KIDINS220: variants seen among roughly 807,000 people sequenced by gnomAD.
KIDINS220 encodes kinase D-interacting substrate of 220 kDa.
Under a neutral mutation model 157.6 loss-of-function variants are expected in KIDINS220, and 63 were observed. The ratio of observed to expected loss-of-function variants is 0.40; its 90% CI spans 0.33 to 0.49. The LOEUF (loss-of-function observed/expected upper bound fraction) is 0.49. KIDINS220 is among the 20% of genes least tolerant of loss of function. The pLI, the probability that KIDINS220 is intolerant of heterozygous loss-of-function variation, is 0.66. For missense variants in KIDINS220, 1,772 were observed against 2,171.2 expected (o/e 0.82, Z 3.65); for synonymous variants, 732 against 783.6 (o/e 0.93, Z 1.10).
At chr2:8,807,135 G>A (rs1675561392) in intron 6 of KIDINS220, among the ~76,000 whole-genome samples, 1 of 152,166 alleles carries the variant, frequency 6.6e-6, no homozygotes, top group African/African-American at 2.4e-5. Context: ...TGAGGACACT[G>A]AGGCCCTAAG....
Position 8,802,975 on chromosome 2 carries a change from C to T in KIDINS220, c.756G>A (p.Val252=). The change falls in exon 8 of 30, where the codon GTG becomes GTA. Residue 252 remains valine, a synonymous_variant. Transcript: ENST00000256707. ...ATGTTCCAGCGTCGAGCAGATCCTG[C>T]ACAATCTCCGTATGTCCCTCCTTTG... ...IASKEGHTEI[V]QDLLDAGTYV... 1 of 1,613,984 alleles carries T rather than the reference C, an allele frequency of 6.2e-7. No individual in the cohort carries two copies. The highest frequency in any genetic ancestry group is 8.5e-7 in the Non-Finnish European group (1 of 1,179,990).
At chr2:8,721,847 A>T (rs1255801163), downstream of KIDINS220, 1 of 152,228 alleles carries the variant, frequency 6.6e-6, no homozygotes, top group Non-Finnish European at 1.5e-5. Flanking sequence ...AATAGTAACT[A>T]TTTTATGCAG....
At chr2:8,777,661 C>T (rs960313572) in intron 20 of KIDINS220, among the ~76,000 whole-genome samples, 1 of 152,132 alleles carries the variant, frequency 6.6e-6, no homozygotes, top group African/African-American at 2.4e-5. Flanking sequence ...ACTATCCTCA[C>T]ATCGCCACAT....
rs527727658 is a variant in KIDINS220, at chr2:8,730,976, T to C, written c.5060A>G (p.Asn1687Ser). The C allele has an allele frequency of 6.2e-7, 1 of 1,614,240 alleles. No individual in the cohort carries two copies. Among genetic ancestry groups the C allele is most frequent in the East Asian group, 2.2e-5 (1 of 44,884 alleles). ...NRTPSTVTLN[N>S]NSAPANRANQ... Reference sequence around the variant, plus strand: ...GGCTCTGTTGGCTGGAGCACTATTGTTGTTCAGAGTCACGGTGCTGGGAGT... The same window carrying C: ...GGCTCTGTTGGCTGGAGCACTATTGCTGTTCAGAGTCACGGTGCTGGGAGT... Residue 1687 changes from asparagine to serine, a missense_variant, in exon 30 of 30, where the codon AAC (asparagine) becomes AGC (serine). Physicochemically the swap from Asn to Ser is conservative, Grantham distance 46. Coordinates refer to ENST00000256707, the MANE Select transcript of KIDINS220 (RefSeq NM_020738.4).
intron 1 of KIDINS220, among the ~76,000 whole-genome samples, chr2:8,833,019 T>G (rs1679877507): frequency 6.6e-6 from 1 of 152,202 alleles, no homozygotes. Flanking sequence ...CACCTCAAAC[T>G]TTTCTCATTT....
At chr2:8,826,061 G>A (rs1678770856) in intron 2 of KIDINS220, 1 of 152,084 alleles carries the variant, frequency 6.6e-6, no homozygotes, top group African/African-American at 2.4e-5. Flanking sequence ...ACCAGCCTGG[G>A]TGACAGAGTG....
chr2:8,747,214 A>G lies in KIDINS220; in HGVS notation c.3529-13T>C, dbSNP rs770909380. 2.5e-6 allele frequency: 4 copies of G among 1,612,844 alleles called. No homozygotes were observed. The East Asian group carries it at 8.9e-5, about 36-fold the overall frequency. ...CCTTGATAACTTCCTAACAACACAA[A>G]ACAGGAGAGTGTGGGTGAAAAGGGG... On this transcript the variant is annotated splice_polypyrimidine_tract_variant and intron_variant, in intron 25 of 29. Coordinates refer to ENST00000256707, the MANE Select transcript of KIDINS220 (RefSeq NM_020738.4).
chr2:8,726,890 A>C (rs1213489360), downstream of KIDINS220: 2 of 1,287,124 alleles, frequency 1.6e-6, no homozygotes, highest in Non-Finnish European at 2.0e-6. Context: ...TACATACCTT[A>C]GTTTAATCTG....
intron 6 of KIDINS220, among the ~76,000 whole-genome samples, chr2:8,810,047 C>T (rs1020873028): frequency 1.3e-5 from 2 of 152,178 alleles, no homozygotes; most frequent in African/African-American, 2.4e-5. Flanking sequence ...CTGAAGCCGT[C>T]CCCTGGTACC....
At chr2:8,783,642 T>A (rs577907738) in intron 17 of KIDINS220, among the ~76,000 whole-genome samples, 1 of 152,152 alleles carries the variant, frequency 6.6e-6, no homozygotes, top group African/African-American at 2.4e-5. Context: ...AGATTTCAGA[T>A]TAATACAAAA....
At chr2:8,790,555 C>A (rs1264630700) in intron 13 of KIDINS220, among the ~76,000 whole-genome samples, 1 of 152,116 alleles carries the variant, frequency 6.6e-6, no homozygotes, top group Non-Finnish European at 1.5e-5. Flanking sequence ...GAGTCCCACA[C>A]AAGTAATTCT....
chr2:8,806,351 C>T lies in KIDINS220; in HGVS notation c.523G>A (p.Val175Ile). ...AAATGACCCTTTCGTGCAGCCCAAA[C>T]TAAAGGGGTGGTTCCATACTATTAA... ...CSDKYGTTPLVWAARKGHLEC... is the reference protein window; with the variant it reads ...CSDKYGTTPLIWAARKGHLEC... The change falls in exon 7 of 30, where the codon GTT becomes ATT. Residue 175 changes from valine (V) to isoleucine (I), a missense_variant. Val to Ile is a conservative substitution (Grantham distance 29, BLOSUM62 3). Coordinates refer to ENST00000256707, the MANE Select transcript of KIDINS220 (RefSeq NM_020738.4). 3.1e-6 allele frequency: 5 copies of T among 1,608,138 alleles called. No homozygotes were observed. Among genetic ancestry groups the T allele is most frequent in the Non-Finnish European group, 4.2e-6 (5 of 1,176,782 alleles).
At chr2:8,772,796 G>A (rs1401912308) in intron 21 of KIDINS220, among the ~76,000 whole-genome samples, 1 of 149,054 alleles carries the variant, frequency 6.7e-6, no homozygotes, top group Non-Finnish European at 1.5e-5. Flanking sequence ...ATTCTTTTCT[G>A]ATATTAATCT....
intron 6 of KIDINS220, among the ~76,000 whole-genome samples, chr2:8,807,684 TGGA>T (rs1675660698): frequency 1.3e-5 from 2 of 152,104 alleles, no homozygotes; most frequent in Non-Finnish European, 2.9e-5. Context: ...GCTTCCCAGA[TGGA>T]TGAAGACTCC....
At position 8,733,543 on chromosome 2, in the gene KIDINS220, G is replaced by A. The variant is rs760026843; in HGVS notation, c.3954C>T (p.Leu1318=). The change falls in exon 29 of 30, where the codon CTC becomes CTT. Residue 1318 remains leucine (L), a synonymous_variant. Transcript: ENST00000256707. ...TGAGTGTGTAGGGCGTCTGGCTGGA[G>A]AGCTCGGTGTGAGGCAGCTCGTTGT... ...ASHNELPHTE[L]SSQTPYTLNF... 6.2e-7 allele frequency: 1 copy of A among 1,614,160 alleles called. No individual in the cohort carries two copies. Among genetic ancestry groups the A allele is most frequent in the Admixed American group, 1.7e-5 (1 of 60,028 alleles).
chr2:8,725,882 A>C (rs1319046738), downstream of KIDINS220, among the ~76,000 whole-genome samples: 1 of 152,220 alleles, frequency 6.6e-6, no homozygotes. Context: ...AAAAACGAAG[A>C]AAGGGTTCCT....
intron 4 of KIDINS220, among the ~76,000 whole-genome samples, chr2:8,815,396 C>CA (rs70946387): frequency 0.33 from 38,829 of 116,328 alleles, 5,487 homozygotes; most frequent in Middle Eastern, 0.39. Context: ...GACCCTGTCT[C>CA]AAAAAAAAAA....
At chr2:8,790,702 G>A (rs1673064203) in intron 13 of KIDINS220, among the ~76,000 whole-genome samples, 1 of 152,216 alleles carries the variant, frequency 6.6e-6, no homozygotes, top group Non-Finnish European at 1.5e-5. Context: ...AATAGAGGGA[G>A]CAACCTGGGA....
chr2:8,813,129 G>A (rs1209208555), intron 5 of KIDINS220, 108 bp downstream of exon 5: 1 of 638,288 alleles, frequency 1.6e-6, no homozygotes. Flanking sequence ...CGTTTAATAA[G>A]ATAAAGAATA....
Sources: gnomAD v4.1 joint callset for allele counts (sites outside exome capture counted in the v4.1 genomes callset) on GRCh38, gnomAD v4.1.1 for gene constraint, MANE v1.5 for transcripts, NCBI Gene and HGNC (gene_info 2026-07-23, HGNC 2026-07-21) for gene names.